Variants in AFAP1L2 observed in about 807,000 individuals in gnomAD.
AFAP1L2 encodes actin filament associated protein 1 like 2.
Under a neutral mutation model 99.3 loss-of-function variants are expected in AFAP1L2, and 46 were observed. The observed-to-expected ratio is 0.46, with a 90% confidence interval of 0.37 to 0.59. AFAP1L2 has a LOEUF of 0.59. Ranked by LOEUF, AFAP1L2 falls within the 20% of genes least tolerant of loss-of-function variation. The probability of loss-of-function intolerance (pLI) is 0.00; values close to 1 mark genes in which losing one functional copy is unlikely to be tolerated. For missense variants in AFAP1L2, 959 were observed against 1,034.9 expected (o/e 0.93, Z 1.01); for synonymous variants, 397 against 419.1 (o/e 0.95, Z 0.64).
At chr10:114,338,425 T>A (rs957703225) in intron 2 of AFAP1L2, among the ~76,000 whole-genome samples, 1 of 152,260 alleles carries the variant, frequency 6.6e-6, no homozygotes, top group Non-Finnish European at 1.5e-5. Flanking sequence ...GTTTTCCTTT[T>A]TTAAAAGAAT....
intron 1 of AFAP1L2, among the ~76,000 whole-genome samples, chr10:114,388,121 G>T (rs2056728572): frequency 6.6e-6 from 1 of 152,166 alleles, no homozygotes; most frequent in Non-Finnish European, 1.5e-5. Context: ...ATCCAAGGTG[G>T]TCTACCTGGC....
intron 4 of AFAP1L2, among the ~76,000 whole-genome samples, chr10:114,327,150 TA>T (rs1564879918): frequency 0.01 from 123 of 12,094 alleles, 10 homozygotes; most frequent in African/African-American, 0.024. Context: ...TATATATTTA[TA>T]TATATATATA....
At chr10:114,336,880 A>C (rs2048054614) in intron 2 of AFAP1L2, among the ~76,000 whole-genome samples, 1 of 152,350 alleles carries the variant, frequency 6.6e-6, no homozygotes, top group East Asian at 1.9e-4. Flanking sequence ...CTGAGAAAAA[A>C]AGAAACAAAG....
At chr10:114,304,546 A>G (rs2041799450) in intron 11 of AFAP1L2, among the ~76,000 whole-genome samples, 173 bp downstream of exon 11, 3 of 152,228 alleles carry the variant, frequency 2.0e-5, no homozygotes, top group Admixed American at 2.0e-4. Context: ...CTCTGAGGTC[A>G]GAAAAGGAAT....
At chr10:114,302,270 G>A (rs895446366) in intron 12 of AFAP1L2, 69 bp downstream of exon 12, 1 of 1,601,394 alleles carries the variant, frequency 6.2e-7, no homozygotes, top group African/African-American at 1.3e-5. Flanking sequence ...CCCTGACTCT[G>A]GCTGACCCAG....
chr10:114,282,485 C>T, the AFAP1L2 span: 3 of 1,597,932 alleles, frequency 1.9e-6, no homozygotes, highest in Non-Finnish European at 8.6e-7. Context: ...CACCTCTGAT[C>T]TGTCTATAAT....
At chr10:114,368,804 AC>A (rs2053666040) in intron 1 of AFAP1L2, among the ~76,000 whole-genome samples, 1 of 151,302 alleles carries the variant, frequency 6.6e-6, no homozygotes, top group Non-Finnish European at 1.5e-5. Flanking sequence ...ACACACACAC[AC>A]ACACACACAC....
At chr10:114,368,995 C>T (rs373188137) in intron 1 of AFAP1L2, among the ~76,000 whole-genome samples, 1 of 151,972 alleles carries the variant, frequency 6.6e-6, no homozygotes, top group African/African-American at 2.4e-5. Context: ...AGGAGTTGGC[C>T]ACGGCAAAAC....
At chr10:114,375,443 A>G (rs995002329) in intron 1 of AFAP1L2, among the ~76,000 whole-genome samples, 12 of 152,236 alleles carry the variant, frequency 7.9e-5, no homozygotes, top group Admixed American at 5.9e-4. Flanking sequence ...AAATGTCCAC[A>G]AACTTTTTAT....
At chr10:114,387,596 C>T (rs2137765727) in intron 1 of AFAP1L2, among the ~76,000 whole-genome samples, 1 of 152,288 alleles carries the variant, frequency 6.6e-6, no homozygotes, top group African/African-American at 2.4e-5. Flanking sequence ...TTCACTCCAA[C>T]CCTACAAATC....
In AFAP1L2 at chr10:114,320,921, G is replaced by A. The variant is rs112429331; in HGVS notation, c.406+2250C>T. Among the ~76,000 whole-genome samples, 211 of 152,266 alleles carry A rather than the reference G, an allele frequency of 1.4e-3. 1 individual carries two copies. In the South Asian group the frequency reaches 0.037, roughly 27 times the overall value. On this transcript the variant is annotated intron_variant, in intron 5 of 18. Transcript: ENST00000304129. ...GGTCTGAAATCACAGCCCGACTGGT[G>A]AGCTGGCACCACCTCGCATGCTCAG...
the AFAP1L2 span, chr10:114,286,307 C>T: frequency 7.0e-3 from 11,280 of 1,611,474 alleles, 68 homozygotes; most frequent in Non-Finnish European, 8.5e-3. Context: ...CACTGAGTCA[C>T]ACTCCGAGGA....
At chr10:114,338,488 T>C (rs2048316178) in intron 2 of AFAP1L2, among the ~76,000 whole-genome samples, 1 of 152,266 alleles carries the variant, frequency 6.6e-6, no homozygotes, top group Non-Finnish European at 1.5e-5. Flanking sequence ...TTTTCAAGAA[T>C]GTTCCTAGCC....
the AFAP1L2 span, chr10:114,286,239 G>A: frequency 8.1e-6 from 13 of 1,612,998 alleles, no homozygotes; most frequent in African/African-American, 6.7e-5. Context: ...GCAGAGCGTG[G>A]CTTCGGGAGC....
Position 114,297,262 on chromosome 10 carries a change from G to A in AFAP1L2, c.2265C>T (p.Gly755=). Residue 755 remains glycine (G), a synonymous_variant, in exon 17 of 19, where the codon GGC becomes GGT. Coordinates refer to ENST00000304129, the MANE Select transcript of AFAP1L2 (RefSeq NM_001001936.3). ...KKAEAGPVTL[G]TTVDTTHLEN... ...CCAGGTGGGTGGTGTCCACGGTGGTGCCTAACGTCACAGGCCCTGCCTCAG... is the reference window on the plus strand; with the variant it reads ...CCAGGTGGGTGGTGTCCACGGTGGTACCTAACGTCACAGGCCCTGCCTCAG... 6.2e-7 allele frequency: 1 copy of A among 1,613,942 alleles called. No homozygotes were observed. Among genetic ancestry groups the A allele is most frequent in the Non-Finnish European group, 8.5e-7 (1 of 1,179,976 alleles).
chr10:114,397,509 G>A (rs1321703494), intron 1 of AFAP1L2, among the ~76,000 whole-genome samples: 1 of 152,136 alleles, frequency 6.6e-6, no homozygotes, highest in Non-Finnish European at 1.5e-5. Flanking sequence ...TTGCTATGGA[G>A]AAATCAAACT....
At chr10:114,346,433 G>A (rs938251214) in intron 1 of AFAP1L2, among the ~76,000 whole-genome samples, 8 of 152,160 alleles carry the variant, frequency 5.3e-5, no homozygotes, top group Non-Finnish European at 1.2e-4. Context: ...GGCCATAGGC[G>A]ATTCTCCTCC....
intron 7 of AFAP1L2, among the ~76,000 whole-genome samples, chr10:114,311,349 A>G (rs2043209362): frequency 6.6e-6 from 1 of 152,182 alleles, no homozygotes; most frequent in African/African-American, 2.4e-5. Context: ...GGAAACGCAG[A>G]ATTAGTTAGA....
intron 4 of AFAP1L2, among the ~76,000 whole-genome samples, chr10:114,328,262 C>T (rs2046690387): frequency 6.6e-6 from 1 of 152,174 alleles, no homozygotes; most frequent in South Asian, 2.1e-4. Context: ...GACATCTGGG[C>T]TCGTGGCCGA....
Sources: allele counts gnomAD v4.1 joint callset (sites outside exome capture counted in the v4.1 genomes callset), GRCh38; gene constraint gnomAD v4.1.1; transcripts MANE v1.5; gene names NCBI Gene and HGNC (gene_info 2026-07-23, HGNC 2026-07-21).